The following FLT4 variants were observed in gnomAD, a reference collection of about 807,000 sequenced individuals.
FLT4 encodes fms related receptor tyrosine kinase 4.
In FLT4, 30 loss-of-function variants were observed where a neutral mutation model predicts 163.2. That is an observed-to-expected ratio of 0.18 (90% CI 0.14 to 0.25). FLT4 has a LOEUF of 0.25. Ranked by LOEUF, FLT4 falls within the 10% of genes least tolerant of loss-of-function variation. FLT4 has a pLI of 1.00. For missense variants in FLT4, 1,510 were observed against 1,863.8 expected (o/e 0.81, Z 3.50); for synonymous variants, 884 against 789.5 (o/e 1.12, Z -2.01).
At chr5:180,641,558 C>T (rs895741467) in intron 1 of FLT4, among the ~76,000 whole-genome samples, 1 of 152,052 alleles carries the variant, frequency 6.6e-6, no homozygotes, top group Admixed American at 6.5e-5. Context: ...AACGGAGCTG[C>T]TGGCTGAGCT....
chr5:180,616,204 C>T (rs901275861), intron 23 of FLT4, among the ~76,000 whole-genome samples, 163 bp downstream of exon 23: 1 of 152,210 alleles, frequency 6.6e-6, no homozygotes. Context: ...TCAGTAGGGT[C>T]CCCTGGGGGC....
intron 29 of FLT4, among the ~76,000 whole-genome samples, chr5:180,607,463 C>T (rs1021360978): frequency 1.7e-4 from 26 of 151,984 alleles, no homozygotes; most frequent in African/African-American, 5.5e-4. Context: ...TGGCGAAACC[C>T]GGTCTCTACT....
At chr5:180,611,626 C>CA (rs1762209772) in intron 26 of FLT4, 147 bp from the exon 27 acceptor site, 6 of 844,296 alleles carry the variant, frequency 7.1e-6, no homozygotes, top group Admixed American at 6.3e-5. Flanking sequence ...CCCCCGCCCT[C>CA]GCCCTGCCCT....
chr5:180,642,832 G>A (rs980540066), intron 1 of FLT4, among the ~76,000 whole-genome samples: 1 of 152,202 alleles, frequency 6.6e-6, no homozygotes, highest in Non-Finnish European at 1.5e-5. Flanking sequence ...TACACCGATG[G>A]CAAATTCTCC....
At chr5:180,633,473 T>TG (rs34679321) in intron 1 of FLT4, among the ~76,000 whole-genome samples, 128,533 of 152,074 alleles carry the variant, frequency 0.85, 55,003 homozygotes, top group East Asian at 0.98. Flanking sequence ...CCCTTCCCCT[T>TG]GGGGGTGCCA....
At chr5:180,607,187 T>G (rs900284718) in intron 29 of FLT4, among the ~76,000 whole-genome samples, 1 of 152,220 alleles carries the variant, frequency 6.6e-6, no homozygotes, top group Non-Finnish European at 1.5e-5. Context: ...GCCAAAACTG[T>G]TTTTCCCCTG....
rs745580922 is a variant in FLT4, at chr5:180,620,306, C to A, written c.2409G>T (p.Pro803=). The part of the protein sequence containing the change: ...LLLIFCNMRR[P]AHADIKTGYL... ...AGCCCGTCTTGATGTCTGCGTGGGC[C>A]GGCTGCGGGGAGGGGACAGGGAGGA... The change falls in exon 17 of 30, where the codon CCG becomes CCT. Residue 803 remains proline, a splice_region_variant and synonymous_variant. Transcript: ENST00000261937. This position sits in a 1 kb window ranked among gnomAD's most constrained non-coding sequence, Gnocchi z 4.4. 1 of 1,610,842 alleles carries A rather than the reference C, an allele frequency of 6.2e-7. No individual in the cohort carries two copies. Among genetic ancestry groups the A allele is most frequent in the Non-Finnish European group, 8.5e-7 (1 of 1,179,878 alleles).
At chr5:180,616,563 G>A (rs1762708174) in intron 22 of FLT4, 74 bp from the exon 23 acceptor site, 1 of 1,574,736 alleles carries the variant, frequency 6.4e-7, no homozygotes. Flanking sequence ...GAAACTCCAG[G>A]GTGCCCAAGC....
chr5:180,649,455 C>A, intron 1 of FLT4, 33 bp downstream of exon 1: 1 of 1,442,452 alleles, frequency 6.9e-7, no homozygotes, highest in Non-Finnish European at 9.1e-7. Flanking sequence ...GCCAGCCCCA[C>A]GCTCGGGCGG....
At position 180,620,779 on chromosome 5, in the gene FLT4, G is replaced by A. The variant is rs1424034575; in HGVS notation, c.2300-64C>T. 1.3e-5 allele frequency: 20 copies of A among 1,595,316 alleles called. No individual in the cohort carries two copies. Among genetic ancestry groups the A allele is most frequent in the South Asian group, 4.4e-5 (4 of 90,444 alleles). ...GTGTAAGAGCGTGCACCTGCAGGCA[G>A]CACCCCTTCTGGTGGCCACGACTTG... is the stretch of plus-strand genomic sequence containing the variant. On this transcript the variant is annotated intron_variant, in intron 15 of 29. Transcript: ENST00000261937. This position sits in a 1 kb window ranked among gnomAD's most constrained non-coding sequence, Gnocchi z 4.4.
Position 180,619,749 on chromosome 5 carries a change from C to T in FLT4, c.2563G>A (p.Ala855Thr), listed in dbSNP as rs121909657. Reference sequence around the variant, plus strand: ...GAGGCTTCCACCACCTTCCCGAAGGCGCCGTAGCCGAGCACTCTCCCTGTC... The same window carrying T: ...GAGGCTTCCACCACCTTCCCGAAGGTGCCGTAGCCGAGCACTCTCCCTGTC... ...LHLGRVLGYG[A>T]FGKVVEASAF... Residue 855 changes from alanine (A) to threonine (T), a missense_variant, in exon 18 of 30, where the codon GCC becomes ACC. Coordinates refer to ENST00000261937, the MANE Select transcript of FLT4 (RefSeq NM_182925.5). 25 of 1,612,342 alleles carry T rather than the reference C, an allele frequency of 1.6e-5. No individual in the cohort carries two copies. The Admixed American group carries it at 3.0e-4, about 19-fold the overall frequency.
In FLT4 at chr5:180,621,367, C is replaced by A. The variant is rs566659586; in HGVS notation, c.2021-115G>T. ...CTGGAAGCTGGACTTAGGGGTTGTG[C>A]GCCGGGCAGGAGCGCGGCGCGCCTC... On this transcript the variant is annotated intron_variant, in intron 13 of 29. Coordinates refer to ENST00000261937, the MANE Select transcript of FLT4 (RefSeq NM_182925.5). 2,488 of 1,429,524 alleles carry A rather than the reference C, an allele frequency of 1.7e-3. 2 individuals carry two copies. Among genetic ancestry groups the A allele is most frequent in the Non-Finnish European group, 2.2e-3 (2,327 of 1,059,252 alleles). 88.6% of individuals were successfully genotyped at this position (1,429,524 alleles called of 1,614,324 possible).
intron 1 of FLT4, among the ~76,000 whole-genome samples, chr5:180,642,014 C>T (rs1331932807): frequency 6.6e-6 from 1 of 152,128 alleles, no homozygotes; most frequent in Non-Finnish European, 1.5e-5. Flanking sequence ...TGAGACCATC[C>T]TGGCCAACAT....
At chr5:180,621,366 G>GCGC in intron 13 of FLT4, 114 bp from the exon 14 acceptor site, 7 of 1,432,038 alleles carry the variant, frequency 4.9e-6, no homozygotes, top group Non-Finnish European at 6.6e-6. Flanking sequence ...TAGGGGTTGT[G>GCGC]CGCCGGGCAG....
intron 24 of FLT4, 189 bp downstream of exon 24, chr5:180,613,879 A>G: frequency 1.5e-6 from 1 of 661,448 alleles, no homozygotes; most frequent in Non-Finnish European, 2.8e-6. Context: ...TTGGAGGCAA[A>G]GTCCTCTCGG....
intron 13 of FLT4, 41 bp downstream of exon 13, chr5:180,621,501 A>G: frequency 1.2e-6 from 2 of 1,605,006 alleles, no homozygotes; most frequent in Non-Finnish European, 1.7e-6. Flanking sequence ...AGCTACTGCT[A>G]GAAGAGAGCG....
chr5:180,619,287 C>T lies in FLT4; in HGVS notation c.2727G>A (p.Val909=). The T allele has an allele frequency of 6.2e-7, 1 of 1,610,994 alleles. No homozygotes were observed. The highest frequency in any genetic ancestry group is 8.5e-7 in the Non-Finnish European group (1 of 1,179,372). The change falls in exon 19 of 30, where the codon GTG becomes GTA. Residue 909 remains valine (V), a synonymous_variant. Coordinates refer to ENST00000261937, the MANE Select transcript of FLT4 (RefSeq NM_182925.5). ...TGGTGCACGCCCCGAGGAGGTTGAC[C>T]ACGTTGAGGTGGTTGCCGATGTGAA... The part of the protein sequence containing the change: ...ILIHIGNHLN[V]VNLLGACTKP...
At chr5:180,634,480 G>A (rs1354622512) in intron 1 of FLT4, among the ~76,000 whole-genome samples, 1 of 151,964 alleles carries the variant, frequency 6.6e-6, no homozygotes, top group Non-Finnish European at 1.5e-5. Context: ...AGGCGGGTGG[G>A]TCACAAGGTC....
chr5:180,608,842 GA>G, intron 29 of FLT4, 125 bp downstream of exon 29: 1 of 844,084 alleles, frequency 1.2e-6, no homozygotes, highest in Non-Finnish European at 2.0e-6. Context: ...TTGAACGCGC[GA>G]AAAGGCCATA....
Sources: allele counts gnomAD v4.1 joint callset (sites outside exome capture counted in the v4.1 genomes callset), GRCh38; gene constraint gnomAD v4.1.1; non-coding constraint Gnocchi (gnomAD v3.1); transcripts MANE v1.5; gene names NCBI Gene and HGNC (gene_info 2026-07-23, HGNC 2026-07-21).